Variants in THSD4 observed in about 807,000 individuals in gnomAD.
THSD4 encodes thrombospondin type-1 domain-containing protein 4.
THSD4 carries 69 observed loss-of-function variants against 119.0 expected under a neutral mutation model. The observed-to-expected ratio is 0.58, with a 90% CI of 0.48 to 0.71. THSD4 has a LOEUF of 0.71. Among genes scored for constraint, THSD4 ranks in the 30% least tolerant of loss-of-function variants. The pLI is 0.00. For synonymous variants in THSD4, 524 were observed against 540.4 expected, an observed-to-expected ratio of 0.97 and a Z score of 0.42; for missense variants, 1,393 against 1,391.1, an observed-to-expected ratio of 1.00 and a Z score of -0.02.
chr15:71,762,043 A>G lies in THSD4; in HGVS notation c.2590-2977A>G, dbSNP rs148801606. Among the ~76,000 whole-genome samples, 258 of 152,220 alleles carry G rather than the reference A, an allele frequency of 1.7e-3. 2 individuals carry two copies. In the Middle Eastern group the frequency reaches 0.017, roughly 10 times the overall value. On this transcript the variant is annotated intron_variant, in intron 15 of 17. Transcript: ENST00000261862. ...ATTTGGACTATAGTTTCCTTCTTCAATTTGATCTCATCTGTCTTTCATTGT... is the reference window on the plus strand; with the variant it reads ...ATTTGGACTATAGTTTCCTTCTTCAGTTTGATCTCATCTGTCTTTCATTGT...
rs1426792888 is a variant in THSD4, at chr15:71,771,167, A to G, written c.2873A>G (p.Glu958Gly). The change falls in exon 17 of 18, where the codon GAG becomes GGG. Residue 958 changes from glutamate to glycine, a missense_variant. By Grantham distance (98) the Glu-to-Gly change is moderately conservative. Coordinates refer to ENST00000261862, the MANE Select transcript of THSD4 (RefSeq NM_024817.3). ...NLCDPQLKPE[E>G]RESCNPQDCV... ...TGTGACCCTCAGTTGAAACCAGAAG[A>G]GAGAGAATCTTGTAACCCTCAGGAC... 6.2e-7 allele frequency: 1 copy of G among 1,614,196 alleles called. No individual in the cohort carries two copies. Among genetic ancestry groups the G allele is most frequent in the South Asian group, 1.1e-5 (1 of 91,086 alleles).
At chr15:71,341,887 A>C (rs534871113) in intron 6 of THSD4, among the ~76,000 whole-genome samples, 175 of 152,110 alleles carry the variant, frequency 1.2e-3, no homozygotes, top group African/African-American at 3.9e-3. Context: ...TTAATGCTCT[A>C]ACGATTTTTT....
rs867934073 is a variant in THSD4 at position 71,393,389 on chromosome 15, C to G, written c.1016-18298C>G. 3.3e-5 allele frequency among the ~76,000 whole-genome samples: 5 copies of G among 152,166 alleles called. No homozygotes were observed. The South Asian group carries it at 8.3e-4, about 25-fold the overall frequency. ...TTCCATCTTTTGGTAAAAATGATCA[C>G]TTTCCATACTTGCCATGTAAATCCA... On this transcript the variant is annotated intron_variant, in intron 6 of 17. Coordinates refer to ENST00000261862, the MANE Select transcript of THSD4 (RefSeq NM_024817.3).
At chr15:71,522,078 C>G (rs1175058122) in intron 7 of THSD4, among the ~76,000 whole-genome samples, 1 of 152,058 alleles carries the variant, frequency 6.6e-6, no homozygotes, top group Non-Finnish European at 1.5e-5. Flanking sequence ...CCTTTTACAC[C>G]TGATGTGAAC....
At chr15:71,474,421 C>G (rs2047628631) in intron 7 of THSD4, among the ~76,000 whole-genome samples, 1 of 152,016 alleles carries the variant, frequency 6.6e-6, no homozygotes, top group Non-Finnish European at 1.5e-5. Flanking sequence ...CGGAGTTTCA[C>G]CATCTTGGCC....
intron 3 of THSD4, among the ~76,000 whole-genome samples, chr15:71,210,401 A>G (rs1449322579): frequency 1.3e-5 from 2 of 152,218 alleles, no homozygotes; most frequent in Non-Finnish European, 2.9e-5. Context: ...ACCTGCTAAT[A>G]GGCCTTGCCA....
intron 6 of THSD4, among the ~76,000 whole-genome samples, chr15:71,330,347 A>G (rs1596341323): frequency 6.6e-6 from 1 of 152,288 alleles, no homozygotes; most frequent in East Asian, 1.9e-4. Context: ...TATTCTAAGA[A>G]TGGCATGCAG....
chr15:71,639,001 A>G (rs1477894389), intron 7 of THSD4, among the ~76,000 whole-genome samples: 1 of 152,224 alleles, frequency 6.6e-6, no homozygotes, highest in African/African-American at 2.4e-5. Context: ...AACAGCTGCA[A>G]AATTTGCTCT....
intron 6 of THSD4, among the ~76,000 whole-genome samples, chr15:71,369,154 T>C (rs143419372): frequency 6.6e-6 from 1 of 152,372 alleles, no homozygotes; most frequent in East Asian, 1.9e-4. Context: ...TTTGCTGAAG[T>C]TGCTTATCAG....
intron 11 of THSD4, among the ~76,000 whole-genome samples, chr15:71,744,507 C>T (rs569030979): frequency 1.4e-3 from 213 of 152,192 alleles, no homozygotes; most frequent in African/African-American, 4.6e-3. Flanking sequence ...GCTGCTCTTC[C>T]GCCCTTTCTT....
At chr15:71,388,093 T>G (rs1329978398) in intron 6 of THSD4, among the ~76,000 whole-genome samples, 1 of 152,240 alleles carries the variant, frequency 6.6e-6, no homozygotes. Context: ...TATCACACTT[T>G]CTCTGTAAAA....
At chr15:71,586,792 G>T (rs12898527) in intron 7 of THSD4, among the ~76,000 whole-genome samples, 5,079 of 152,234 alleles carry the variant, frequency 0.033, 129 homozygotes, top group Middle Eastern at 0.054. Flanking sequence ...GAAATCTGGG[G>T]ATCATCTTAG....
At chr15:71,199,464 TGTGTGTGTGGTGTGTGTGTGTGGG>T (rs1567154477) in intron 3 of THSD4, among the ~76,000 whole-genome samples, 4 of 132,448 alleles carry the variant, frequency 3.0e-5, no homozygotes, top group Non-Finnish European at 4.9e-5. Flanking sequence ...GGGGGGGGTG[TGTGTGTGTGGTGTGTGTGTGTGGG>T]GTGTGTGTGG....
intron 5 of THSD4, among the ~76,000 whole-genome samples, chr15:71,247,483 C>T (rs2044215615): frequency 6.6e-6 from 1 of 152,172 alleles, no homozygotes; most frequent in Non-Finnish European, 1.5e-5. Context: ...ATATGTGCCA[C>T]CGCACACGCC....
At chr15:71,547,485 A>T in intron 7 of THSD4, 1 of 1,550,108 alleles carries the variant, frequency 6.5e-7, no homozygotes, top group South Asian at 1.2e-5. Context: ...GGGAGAGGTA[A>T]GCCAAATAAA....
intron 6 of THSD4, among the ~76,000 whole-genome samples, chr15:71,387,206 T>TAA (rs58060322): frequency 1.6e-4 from 24 of 147,124 alleles, no homozygotes; most frequent in African/African-American, 5.2e-4. Context: ...TCATTAACGT[T>TAA]AAAAAAAAAA....
intron 7 of THSD4, among the ~76,000 whole-genome samples, chr15:71,583,365 T>C (rs1188073919): frequency 6.6e-6 from 1 of 152,116 alleles, no homozygotes; most frequent in Non-Finnish European, 1.5e-5. Flanking sequence ...CAACTCTTAG[T>C]TTCATTGATC....
At chr15:71,532,279 AG>A (rs2048621090) in intron 7 of THSD4, among the ~76,000 whole-genome samples, 1 of 119,916 alleles carries the variant, frequency 8.3e-6, no homozygotes, top group Non-Finnish European at 1.8e-5. Flanking sequence ...AGAGAGAGAG[AG>A]AGAGTGTGTG....
At chr15:71,761,358 A>G (rs1386011426) in intron 15 of THSD4, among the ~76,000 whole-genome samples, 1 of 152,052 alleles carries the variant, frequency 6.6e-6, no homozygotes, top group African/African-American at 2.4e-5. Context: ...TTCCCCTTTT[A>G]TTTACCTCCA....
Sources: gnomAD v4.1 joint callset for allele counts (sites outside exome capture counted in the v4.1 genomes callset) on GRCh38, gnomAD v4.1.1 for gene constraint, MANE v1.5 for transcripts, NCBI Gene and HGNC (gene_info 2026-07-23, HGNC 2026-07-21) for gene names.